Variants in SHISA9 observed in about 807,000 individuals in gnomAD.
SHISA9 encodes protein shisa-9.
Under a neutral mutation model 38.0 loss-of-function variants are expected in SHISA9, and 13 were observed. That is an observed-to-expected ratio of 0.34 (90% confidence interval 0.22 to 0.54). The LOEUF is 0.54. SHISA9 is among the 20% of genes least tolerant of loss of function. The pLI is 0.91. For missense variants in SHISA9, 538 were observed against 575.8 expected, an observed-to-expected ratio of 0.93 and a Z score of 0.67; for synonymous variants, 275 against 242.0, an observed-to-expected ratio of 1.14 and a Z score of -1.27.
At chr16:13,335,993 GC>G in the SHISA9 span, among the ~76,000 whole-genome samples, 1 of 152,172 alleles carries the variant, frequency 6.6e-6, no homozygotes, top group African/African-American at 2.4e-5. Context: ...CCTGACAACC[GC>G]CCATCTGGCC....
At chr16:13,300,232 T>C in the SHISA9 span, among the ~76,000 whole-genome samples, 1 of 152,126 alleles carries the variant, frequency 6.6e-6, no homozygotes, top group Non-Finnish European at 1.5e-5. Flanking sequence ...TGTACTGACT[T>C]CCCAGACCCA....
chr16:13,368,346 A>T, the SHISA9 span, among the ~76,000 whole-genome samples: 12 of 152,142 alleles, frequency 7.9e-5, no homozygotes, highest in Non-Finnish European at 1.8e-4. Flanking sequence ...GGTTCAACAG[A>T]CTAACCTTAC....
chr16:13,155,437 G>T (rs2050535592), intron 2 of SHISA9, among the ~76,000 whole-genome samples: 1 of 152,138 alleles, frequency 6.6e-6, no homozygotes, highest in African/African-American at 2.4e-5. Context: ...GACTATTTTT[G>T]CTGCTCTTAA....
chr16:13,232,296 T>A (rs1219728673), intron 4 of SHISA9, among the ~76,000 whole-genome samples: 1 of 151,884 alleles, frequency 6.6e-6, no homozygotes, highest in Non-Finnish European at 1.5e-5. Context: ...ATTCAGAAAT[T>A]AAAATAAAAT....
chr16:13,006,663 A>G (rs2072601720), intron 2 of SHISA9, among the ~76,000 whole-genome samples: 1 of 152,218 alleles, frequency 6.6e-6, no homozygotes, highest in Admixed American at 6.5e-5. Flanking sequence ...GAGAAAATGA[A>G]CTGTATTAGA....
chr16:12,902,119 C>A lies in SHISA9; in HGVS notation c.55C>A (p.Arg19Ser), dbSNP rs1241926773. 2 of 1,500,454 alleles carry A rather than the reference C, an allele frequency of 1.3e-6. No homozygotes were observed. Among genetic ancestry groups the A allele is most frequent in the Non-Finnish European group, 1.8e-6 (2 of 1,133,556 alleles). 92.9% of individuals were successfully genotyped at this position (1,500,454 alleles called of 1,614,324 possible). ...TTGCTTCCTCACCGAGCTGTGCGCC[C>A]GCGTGTGCCGGGCGCAGGAGCGAGC... ...LGCFLTELCARVCRAQERAGH... is the reference protein window; with the variant it reads ...LGCFLTELCASVCRAQERAGH... Residue 19 changes from arginine (R) to serine (S), a missense_variant, in exon 1 of 5, where the codon CGC becomes AGC. Arg to Ser is a moderately radical substitution (Grantham distance 110). This residue lies in a region of SHISA9 where 107 missense variants were observed against 103.0 expected (regional missense o/e 1.04). Coordinates refer to ENST00000558583, the MANE Select transcript of SHISA9 (RefSeq NM_001145204.3).
At chr16:13,061,429 G>A (rs1469251416) in intron 2 of SHISA9, among the ~76,000 whole-genome samples, 1 of 152,140 alleles carries the variant, frequency 6.6e-6, no homozygotes, top group Admixed American at 6.5e-5. Flanking sequence ...TCTGCAAGTC[G>A]CTTCGTCCGA....
the SHISA9 span, among the ~76,000 whole-genome samples, chr16:13,441,205 G>A: frequency 1.3e-5 from 2 of 152,214 alleles, no homozygotes; most frequent in Admixed American, 6.5e-5. Context: ...GAATTGTAGA[G>A]AAGGAAACGT....
chr16:13,532,929 G>T, the SHISA9 span, among the ~76,000 whole-genome samples: 3 of 151,934 alleles, frequency 2.0e-5, no homozygotes, highest in East Asian at 3.9e-4. Context: ...CGCTTCTCAG[G>T]TCTTTTGCCC....
In SHISA9 at chr16:13,082,792, T is replaced by C. The variant is rs143758932; in HGVS notation, c.692-120602T>C. ...TACATGTGTGGGTGGGGGGCTGAAGTCTCTTGCCCAAGAGCCACTCCTTAA... is the reference window on the plus strand; with the variant it reads ...TACATGTGTGGGTGGGGGGCTGAAGCCTCTTGCCCAAGAGCCACTCCTTAA... On this transcript the variant is annotated intron_variant, in intron 2 of 4. Transcript: ENST00000558583. 4.1e-3 allele frequency among the ~76,000 whole-genome samples: 628 copies of C among 152,188 alleles called. 7 individuals are homozygous for C. Among genetic ancestry groups the C allele is most frequent in the South Asian group, 0.024 (117 of 4,810 alleles).
intron 2 of SHISA9, among the ~76,000 whole-genome samples, chr16:13,168,748 G>A (rs752418190): frequency 3.9e-5 from 6 of 152,190 alleles, no homozygotes; most frequent in Non-Finnish European, 8.8e-5. Flanking sequence ...CCCAGGATGT[G>A]GACAGTGACA....
At chr16:13,351,709 A>C in the SHISA9 span, among the ~76,000 whole-genome samples, 2 of 152,204 alleles carry the variant, frequency 1.3e-5, no homozygotes, top group African/African-American at 4.8e-5. Context: ...ATCTGTCTCT[A>C]TATCTGCAAA....
chr16:12,918,670 T>A (rs1019525871), intron 2 of SHISA9, among the ~76,000 whole-genome samples: 7 of 152,192 alleles, frequency 4.6e-5, no homozygotes, highest in Admixed American at 3.9e-4. Flanking sequence ...GTTTGGTCTA[T>A]ATTTGTGCCT....
chr16:13,319,737 GC>G, the SHISA9 span, among the ~76,000 whole-genome samples: 1 of 150,968 alleles, frequency 6.6e-6, no homozygotes, highest in African/African-American at 2.4e-5. Context: ...CTCAGCTGTG[GC>G]CCCTTCTGGG....
the SHISA9 span, among the ~76,000 whole-genome samples, chr16:13,356,598 C>A: frequency 1.3e-5 from 2 of 152,156 alleles, no homozygotes; most frequent in African/African-American, 2.4e-5. Context: ...GGATTGGGAC[C>A]TAGCTCGGCC....
the SHISA9 span, among the ~76,000 whole-genome samples, chr16:13,466,253 A>G: frequency 6.6e-6 from 1 of 152,346 alleles, no homozygotes; most frequent in Non-Finnish European, 1.5e-5. Flanking sequence ...TTCTGAGTCA[A>G]CAGGCTAAGA....
the SHISA9 span, among the ~76,000 whole-genome samples, chr16:13,444,417 G>GAGGAAGGA: frequency 1.8e-4 from 25 of 140,582 alleles, no homozygotes; most frequent in Admixed American, 5.7e-4. Flanking sequence ...GGGAGGGAGG[G>GAGGAAGGA]AGGAAGGAAG....
intron 2 of SHISA9, among the ~76,000 whole-genome samples, chr16:12,986,489 C>A (rs550590488): frequency 1.2e-4 from 19 of 152,150 alleles, no homozygotes; most frequent in Admixed American, 7.2e-4. Context: ...TCTTGATTCT[C>A]AAGAAAGTTT....
At chr16:12,945,693 A>G (rs1054798999) in intron 2 of SHISA9, among the ~76,000 whole-genome samples, 1 of 152,222 alleles carries the variant, frequency 6.6e-6, no homozygotes, top group African/African-American at 2.4e-5. Context: ...TTGGAATGAT[A>G]ATATCTTATA....
Sources: allele counts gnomAD v4.1 joint callset (sites outside exome capture counted in the v4.1 genomes callset), GRCh38; gene constraint gnomAD v4.1.1; regional missense constraint gnomAD v4.1.1; transcripts MANE v1.5; gene names NCBI Gene and HGNC (gene_info 2026-07-23, HGNC 2026-07-21).